The following DPP6 variants were observed in gnomAD, a reference collection of about 807,000 sequenced individuals.
The protein encoded by DPP6 is dipeptidyl peptidase like 6.
DPP6 carries 69 observed loss-of-function variants against 122.6 expected under a neutral mutation model. That is an observed-to-expected ratio of 0.56 (90% CI 0.46 to 0.69). DPP6 has a LOEUF of 0.69. Among genes scored for constraint, DPP6 ranks in the 30% least tolerant of loss-of-function variants. DPP6 has a pLI of 0.00. For missense variants in DPP6, 928 were observed against 1,116.9 expected (o/e 0.83, Z 2.41); for synonymous variants, 418 against 433.1 (o/e 0.97, Z 0.43).
chr7:154,577,857 A>T (rs972628938), intron 5 of DPP6, among the ~76,000 whole-genome samples: 10 of 152,222 alleles, frequency 6.6e-5, no homozygotes, highest in African/African-American at 2.2e-4. Flanking sequence ...ATATAGACCC[A>T]GTTACTCAGG....
At chr7:153,748,868 G>A in the DPP6 span, among the ~76,000 whole-genome samples, 1 of 145,988 alleles carries the variant, frequency 6.8e-6, no homozygotes, top group Non-Finnish European at 1.5e-5. Context: ...CTCCCCCGAG[G>A]CGCGCACCTC....
At chr7:154,179,316 T>C (rs1797962735) in intron 1 of DPP6, among the ~76,000 whole-genome samples, 1 of 152,052 alleles carries the variant, frequency 6.6e-6, no homozygotes, top group Non-Finnish European at 1.5e-5. Flanking sequence ...AAGGACAAAA[T>C]GAGAGTCCAA....
intron 1 of DPP6, among the ~76,000 whole-genome samples, chr7:153,947,278 C>T (rs572929753): frequency 1.4e-4 from 21 of 152,254 alleles, no homozygotes; most frequent in Admixed American, 1.1e-3. Context: ...AACCTACTGG[C>T]TCACAGTCTT....
chr7:154,697,585 A>C (rs1310339185), intron 7 of DPP6, among the ~76,000 whole-genome samples: 3 of 152,260 alleles, frequency 2.0e-5, no homozygotes, highest in African/African-American at 7.2e-5. Context: ...GGCAGAGGTC[A>C]CATGGATACG....
At chr7:154,585,986 C>T (rs76426918) in intron 5 of DPP6, among the ~76,000 whole-genome samples, 1,944 of 152,162 alleles carry the variant, frequency 0.013, 53 homozygotes, top group African/African-American at 0.043. Context: ...GATGAAAGAA[C>T]CCCCTAAGTG....
intron 1 of DPP6, among the ~76,000 whole-genome samples, chr7:154,262,199 G>A (rs962043205): frequency 1.3e-5 from 2 of 152,190 alleles, no homozygotes; most frequent in African/African-American, 2.4e-5. Flanking sequence ...AATTTACTGC[G>A]ATGTGGATGA....
At chr7:154,731,544 G>A (rs1186386530) in intron 8 of DPP6, among the ~76,000 whole-genome samples, 1 of 152,164 alleles carries the variant, frequency 6.6e-6, no homozygotes, top group Non-Finnish European at 1.5e-5. Context: ...GCTCAACACT[G>A]GCTGTGAACT....
the DPP6 span, among the ~76,000 whole-genome samples, chr7:153,787,855 G>A: frequency 8.4e-6 from 1 of 118,538 alleles, no homozygotes; most frequent in African/African-American, 3.0e-5. Context: ...TTTTTTTCCT[G>A]TTGTGTCTAT....
intron 1 of DPP6, among the ~76,000 whole-genome samples, chr7:153,992,542 C>T (rs915854428): frequency 6.6e-6 from 1 of 152,108 alleles, no homozygotes; most frequent in Non-Finnish European, 1.5e-5. Context: ...GGAACAGTCC[C>T]CTGGTGTGCC....
chr7:154,385,767 A>G (rs981110327), intron 1 of DPP6, among the ~76,000 whole-genome samples: 7 of 152,182 alleles, frequency 4.6e-5, no homozygotes, highest in African/African-American at 1.4e-4. Context: ...CACTGGTCTC[A>G]GCGAGTATTC....
At chr7:154,539,395 G>A (rs905216236) in intron 3 of DPP6, among the ~76,000 whole-genome samples, 2 of 151,984 alleles carry the variant, frequency 1.3e-5, no homozygotes, top group African/African-American at 2.4e-5. Flanking sequence ...ATTTCTTGGT[G>A]TACGCATGTT....
chr7:153,813,488 G>A, the DPP6 span, among the ~76,000 whole-genome samples: 108 of 152,194 alleles, frequency 7.1e-4, no homozygotes, highest in African/African-American at 2.0e-3. Flanking sequence ...ATAAACATAC[G>A]TGTGCATGTG....
chr7:154,439,615 G>A (rs143065930), intron 1 of DPP6, among the ~76,000 whole-genome samples: 24 of 152,350 alleles, frequency 1.6e-4, no homozygotes, highest in African/African-American at 5.5e-4. Context: ...TGAACCTGAT[G>A]TTGGAATTTG....
chr7:154,368,598 C>T (rs1216920618), intron 1 of DPP6, among the ~76,000 whole-genome samples: 1 of 152,224 alleles, frequency 6.6e-6, no homozygotes, highest in African/African-American at 2.4e-5. Flanking sequence ...ATTCTATTTA[C>T]AGCATTCTGG....
intron 1 of DPP6, among the ~76,000 whole-genome samples, chr7:154,260,597 C>T (rs10254664): frequency 0.55 from 82,922 of 150,364 alleles, 22,984 homozygotes; most frequent in Middle Eastern, 0.58. Flanking sequence ...TAATAGTCTC[C>T]AATCTCACCT....
chr7:154,594,179 C>G (rs536167528), intron 5 of DPP6, among the ~76,000 whole-genome samples: 8 of 152,286 alleles, frequency 5.3e-5, no homozygotes, highest in African/African-American at 1.9e-4. Flanking sequence ...TCTAATCTTG[C>G]ATTATTAGAA....
Position 154,357,728 on chromosome 7 carries a change from G to A in DPP6, c.244-88486G>A, listed in dbSNP as rs548446754. Among the ~76,000 whole-genome samples, 6 of 152,130 alleles carry A rather than the reference G, an allele frequency of 3.9e-5. No individual in the cohort carries two copies. In the South Asian group the frequency reaches 1.2e-3, roughly 32 times the overall value. On this transcript the variant is annotated intron_variant, in intron 1 of 25. Coordinates refer to ENST00000377770, the MANE Select transcript of DPP6 (RefSeq NM_130797.4). ...AGGCTGAGGTGGGTGGATCACCTGAGGTCAGGAGTTTGAGACCAGCCTGGC... is the reference window on the plus strand; with the variant it reads ...AGGCTGAGGTGGGTGGATCACCTGAAGTCAGGAGTTTGAGACCAGCCTGGC...
intron 1 of DPP6, among the ~76,000 whole-genome samples, chr7:154,077,095 A>G (rs950712410): frequency 7.2e-5 from 11 of 152,208 alleles, no homozygotes; most frequent in African/African-American, 2.2e-4. Flanking sequence ...TAAGACCTCT[A>G]TGTTTCATGT....
intron 16 of DPP6, among the ~76,000 whole-genome samples, chr7:154,826,137 C>G (rs921764829): frequency 5.3e-5 from 8 of 152,234 alleles, no homozygotes; most frequent in African/African-American, 1.9e-4. Flanking sequence ...CAATCCTGCA[C>G]ATTCCGAGTT....
Sources: gnomAD v4.1 joint callset for allele counts (sites outside exome capture counted in the v4.1 genomes callset) on GRCh38, gnomAD v4.1.1 for gene constraint, MANE v1.5 for transcripts, NCBI Gene and HGNC (gene_info 2026-07-23, HGNC 2026-07-21) for gene names.